The following BRAF variants were observed in gnomAD, a reference collection of about 807,000 sequenced individuals.
BRAF encodes B-Raf proto-oncogene, serine/threonine kinase.
In BRAF, 16 loss-of-function variants were observed where a neutral mutation model predicts 104.6. The observed-to-expected ratio is 0.15, with a 90% confidence interval of 0.10 to 0.23. The LOEUF (loss-of-function observed/expected upper bound fraction) is 0.23, where lower values mean the gene tolerates loss of function less well. Among genes scored for constraint, BRAF ranks in the 10% least tolerant of loss-of-function variants. The pLI, the probability that BRAF is intolerant of heterozygous loss-of-function variation, is 1.00. For missense variants in BRAF, 541 were observed against 937.3 expected, an observed-to-expected ratio of 0.58 and a Z score of 5.52; for synonymous variants, 310 against 341.6, an observed-to-expected ratio of 0.91 and a Z score of 1.02.
intron 1 of BRAF, among the ~76,000 whole-genome samples, chr7:140,912,521 T>C (rs186893444): frequency 4.3e-4 from 66 of 152,316 alleles, no homozygotes; most frequent in Non-Finnish European, 7.9e-4. Flanking sequence ...TTTTACTCTC[T>C]AATGGCTCAT....
intron 17 of BRAF, chr7:140,740,273 TAA>T (rs201750702): frequency 1.6e-3 from 291 of 186,840 alleles, no homozygotes; most frequent in South Asian, 8.2e-3. Context: ...TTCTTTACTT[TAA>T]AAAAAAAAAA....
At chr7:140,754,146 G>A (rs2128999448) in intron 15 of BRAF, 41 bp downstream of exon 14, 1 of 1,579,902 alleles carries the variant, frequency 6.3e-7, no homozygotes, top group Non-Finnish European at 8.7e-7. Context: ...GAAAAAGTCA[G>A]GATGTTTTCA....
rs966801479 is a variant in BRAF at position 140,722,908 on chromosome 7, C to T, written c.*3586G>A. The stretch of plus-strand genomic sequence containing the variant: ...CAACATTCAGATATTCCGAGCAACA[C>T]ATTTTTTTACAGTATTACTGCTTAA... On this transcript the variant is annotated 3_prime_UTR_variant, in exon 20 of 20. Transcript: ENST00000644969. The T allele has an allele frequency of 1.9e-6, 2 of 1,055,258 alleles. No individual in the cohort carries two copies. Among genetic ancestry groups the T allele is most frequent in the African/African-American group, 3.3e-5 (2 of 60,498 alleles). The allele number at this position is 1,055,258 out of a possible 1,614,324, so 65.4% of individuals were successfully genotyped here. A position where few individuals can be genotyped will look rare whatever the true frequency, so the allele number is the denominator to read the frequency against.
At chr7:140,806,944 C>T (rs550051605) in intron 5 of BRAF, among the ~76,000 whole-genome samples, 34 of 152,210 alleles carry the variant, frequency 2.2e-4, no homozygotes, top group Middle Eastern at 3.4e-3. Flanking sequence ...AAACACTTGA[C>T]GCCTAAAGGG....
chr7:140,800,291 TA>T lies in BRAF; in HGVS notation c.980+70del, dbSNP rs1456471961. On this transcript the variant is annotated intron_variant, in intron 7 of 19. Transcript: ENST00000644969. ...ACAATTTAAACATTGGAAAGGTTTC[TA>T]ATTAACCAGGAGATCCAAAAGAAAG... The T allele has an allele frequency of 5.0e-6, 8 of 1,608,326 alleles. No individual in the cohort carries two copies. In the African/African-American group the frequency reaches 6.7e-5, roughly 13 times the overall value.
At chr7:140,843,688 T>C (rs1259506918) in intron 2 of BRAF, among the ~76,000 whole-genome samples, 3 of 152,180 alleles carry the variant, frequency 2.0e-5, no homozygotes, top group Admixed American at 2.0e-4. Context: ...TACATACCTA[T>C]ATGTCTGTAT....
intron 17 of BRAF, among the ~76,000 whole-genome samples, chr7:140,746,898 C>G (rs1797399673): frequency 6.6e-6 from 1 of 151,608 alleles, no homozygotes; most frequent in Non-Finnish European, 1.5e-5. Flanking sequence ...AGTCTACCTA[C>G]CTGAGTCCAA....
the BRAF span, among the ~76,000 whole-genome samples, chr7:140,713,836 A>G: frequency 1.3e-5 from 2 of 152,116 alleles, no homozygotes; most frequent in African/African-American, 4.8e-5. Flanking sequence ...AGACAGGACC[A>G]TCAGCTGCAG....
chr7:140,728,122 G>A (rs956064132), intron 19 of BRAF, among the ~76,000 whole-genome samples: 3 of 152,170 alleles, frequency 2.0e-5, no homozygotes, highest in Admixed American at 2.0e-4. Flanking sequence ...TAAGCTGATA[G>A]TATTAGTGAC....
chr7:140,719,493 T>C lies in BRAF; in HGVS notation c.*7001A>G, dbSNP rs1795220726. 9.7e-7 allele frequency: 1 copy of C among 1,025,738 alleles called. No homozygotes were observed. Among genetic ancestry groups the C allele is most frequent in the Non-Finnish European group, 1.2e-6 (1 of 848,698 alleles). 63.5% of individuals were successfully genotyped at this position (1,025,738 alleles called of 1,614,324 possible). A position where few individuals can be genotyped will look rare whatever the true frequency, so the allele number is the denominator to read the frequency against. On this transcript the variant is annotated 3_prime_UTR_variant, in exon 20 of 20. Coordinates refer to ENST00000644969, the MANE Select transcript of BRAF (RefSeq NM_001374258.1). ...AGCTATCTTTTTTTATTCTCCATGC[T>C]TTCTATCCAAACTGAACAATATTTT... is the stretch of plus-strand genomic sequence containing the variant.
intron 3 of BRAF, among the ~76,000 whole-genome samples, chr7:140,830,331 T>C (rs886749648): frequency 6.6e-6 from 1 of 152,258 alleles, no homozygotes; most frequent in East Asian, 1.9e-4. Flanking sequence ...TGGTTTATTA[T>C]GTTGACAAAC....
At chr7:140,839,430 T>C (rs1271677221) in intron 2 of BRAF, among the ~76,000 whole-genome samples, 2 of 152,186 alleles carry the variant, frequency 1.3e-5, no homozygotes, top group East Asian at 1.9e-4. Context: ...TACTTAGCTC[T>C]TTAGAAATGC....
At chr7:140,919,921 C>T (rs777266412) in intron 1 of BRAF, among the ~76,000 whole-genome samples, 1 of 151,932 alleles carries the variant, frequency 6.6e-6, no homozygotes, top group Non-Finnish European at 1.5e-5. Flanking sequence ...TGGCTCACTG[C>T]AGCCTCGAAC....
rs923027045 is a variant in BRAF, at chr7:140,770,877, G to C, written c.1814+6035C>G. 4.7e-5 allele frequency among the ~76,000 whole-genome samples: 7 copies of C among 148,362 alleles called. No homozygotes were observed. The East Asian group carries it at 1.2e-3, about 25-fold the overall frequency. ...GAACCTGAGAGGCGGAGGTTTCAGT[G>C]AGCCAAGGTCGTGCCACTGTACTCC... On this transcript the variant is annotated intron_variant, in intron 14 of 19. Transcript: ENST00000644969.
downstream of BRAF, among the ~76,000 whole-genome samples, chr7:140,718,666 G>A (rs1302277360): frequency 5.3e-5 from 8 of 152,244 alleles, no homozygotes; most frequent in African/African-American, 1.2e-4. Flanking sequence ...TTACAGGCGT[G>A]AGCCACTGCA....
chr7:140,836,073 C>G (rs1350000531), intron 2 of BRAF: 3 of 151,998 alleles, frequency 2.0e-5, no homozygotes, highest in African/African-American at 7.3e-5. Context: ...AGGAAGGAAT[C>G]CTCTATATGG....
Position 140,723,359 on chromosome 7 carries a change from A to G in BRAF, c.*3135T>C. The stretch of plus-strand genomic sequence containing the variant: ...CTTTATATACTGCTCTTTCTTCTCC[A>G]ACACCAACATAAATATAGCATATAT... On this transcript the variant is annotated 3_prime_UTR_variant, in exon 20 of 20. Transcript: ENST00000644969. 1 of 1,055,698 alleles carries G rather than the reference A, an allele frequency of 9.5e-7. No homozygotes were observed. Among genetic ancestry groups the G allele is most frequent in the Non-Finnish European group, 1.1e-6 (1 of 873,382 alleles). The allele number at this position is 1,055,698 out of a possible 1,614,324, so 65.4% of individuals were successfully genotyped here.
intron 1 of BRAF, among the ~76,000 whole-genome samples, chr7:140,851,394 T>C (rs1292073157): frequency 3.9e-5 from 6 of 152,098 alleles, no homozygotes. Flanking sequence ...TTCAAAGTTA[T>C]AATGAAAAAA....
At chr7:140,755,049 T>C (rs554288677) in intron 14 of BRAF, among the ~76,000 whole-genome samples, 1 of 152,170 alleles carries the variant, frequency 6.6e-6, no homozygotes, top group Non-Finnish European at 1.5e-5. Context: ...AGTCTTACTC[T>C]ATCACCCAGG....
Sources: gnomAD v4.1 joint callset for allele counts (sites outside exome capture counted in the v4.1 genomes callset) on GRCh38, gnomAD v4.1.1 for gene constraint, MANE v1.5 for transcripts, NCBI Gene and HGNC (gene_info 2026-07-23, HGNC 2026-07-21) for gene names.